Variants in KLHL1 observed in about 807,000 individuals in gnomAD.
KLHL1 encodes kelch-like protein 1.
A neutral mutation model predicts 77.7 loss-of-function variants in KLHL1; 47 were observed. That is an observed-to-expected ratio of 0.60 (90% CI 0.48 to 0.77). The LOEUF is 0.77. KLHL1 is among the 30% of genes least tolerant of loss of function. The pLI is 0.00. For missense variants in KLHL1, 925 were observed against 910.8 expected (o/e 1.02, Z -0.20); for synonymous variants, 360 against 325.2 (o/e 1.11, Z -1.15).
At chr13:69,733,281 A>G (rs1237182079) in intron 8 of KLHL1, among the ~76,000 whole-genome samples, 2 of 152,138 alleles carry the variant, frequency 1.3e-5, no homozygotes, top group African/African-American at 4.8e-5. Context: ...CCAAAAAGAT[A>G]GAATGTAAGT....
chr13:69,909,167 G>A (rs1882149519), intron 4 of KLHL1, among the ~76,000 whole-genome samples: 1 of 151,086 alleles, frequency 6.6e-6, no homozygotes, highest in South Asian at 2.1e-4. Context: ...AAGACAGAAA[G>A]AGAGAGAGAG....
At chr13:70,051,040 A>C (rs1886617202) in intron 1 of KLHL1, among the ~76,000 whole-genome samples, 1 of 152,002 alleles carries the variant, frequency 6.6e-6, no homozygotes, top group Non-Finnish European at 1.5e-5. Flanking sequence ...GTTTGGTTGG[A>C]ATATAAAATG....
rs189505160 is a variant in KLHL1, at chr13:70,012,067, A to G, written c.498-36265T>C. ...GAGACCTATTCACTATCACAAAAAC[A>G]GCATGAGAAAGACCCACCCCCATGA... is the stretch of plus-strand genomic sequence containing the variant. On this transcript the variant is annotated intron_variant, in intron 1 of 10. Transcript: ENST00000377844. 7.1e-4 allele frequency among the ~76,000 whole-genome samples: 108 copies of G among 152,208 alleles called. 1 individual carries two copies. Among genetic ancestry groups the G allele is most frequent in the African/African-American group, 2.6e-3 (106 of 41,530 alleles).
At chr13:69,773,269 A>G (rs970717270) in intron 7 of KLHL1, among the ~76,000 whole-genome samples, 10 of 152,088 alleles carry the variant, frequency 6.6e-5, no homozygotes, top group African/African-American at 2.4e-4. Context: ...GAAATTTTTT[A>G]TGTTCACCAT....
chr13:69,893,275 C>G (rs1411293637), intron 4 of KLHL1, among the ~76,000 whole-genome samples: 1 of 149,016 alleles, frequency 6.7e-6, no homozygotes, highest in Non-Finnish European at 1.5e-5. Context: ...TCGCCCAGGC[C>G]GGACTGCGGA....
intron 7 of KLHL1, among the ~76,000 whole-genome samples, chr13:69,743,133 G>T (rs984188884): frequency 2.0e-5 from 3 of 152,142 alleles, no homozygotes; most frequent in Non-Finnish European, 4.4e-5. Flanking sequence ...CTCTTCTGGA[G>T]AATATGATAT....
intron 7 of KLHL1, among the ~76,000 whole-genome samples, chr13:69,742,219 A>T (rs1268991089): frequency 6.6e-6 from 1 of 152,172 alleles, no homozygotes; most frequent in Non-Finnish European, 1.5e-5. Flanking sequence ...GGACAATAAA[A>T]ATGCATACCC....
intron 7 of KLHL1, among the ~76,000 whole-genome samples, chr13:69,768,624 T>A (rs1593811142): frequency 6.6e-6 from 1 of 152,204 alleles, no homozygotes; most frequent in African/African-American, 2.4e-5. Flanking sequence ...TGATTCTGCA[T>A]TGTATTTAAT....
chr13:69,793,034 A>C (rs1038295549), intron 7 of KLHL1, among the ~76,000 whole-genome samples: 7 of 152,096 alleles, frequency 4.6e-5, no homozygotes, highest in Non-Finnish European at 5.9e-5. Context: ...TGATATGTGA[A>C]TTATATCTGA....
chr13:69,833,676 T>C (rs56314159), intron 6 of KLHL1, among the ~76,000 whole-genome samples: 13,600 of 151,566 alleles, frequency 0.09, 1,220 homozygotes, highest in African/African-American at 0.23. Flanking sequence ...TATAGCAACA[T>C]AATTTGCAAT....
At chr13:69,937,381 T>C (rs1883219916) in intron 4 of KLHL1, among the ~76,000 whole-genome samples, 1 of 152,204 alleles carries the variant, frequency 6.6e-6, no homozygotes, top group African/African-American at 2.4e-5. Context: ...GCCTTAATTT[T>C]ATTCTGGCAT....
chr13:69,949,038 T>C (rs1883620453), intron 3 of KLHL1, among the ~76,000 whole-genome samples: 1 of 151,954 alleles, frequency 6.6e-6, no homozygotes, highest in Non-Finnish European at 1.5e-5. Context: ...CTTCTAGATT[T>C]ACAGAAAATT....
chr13:69,846,387 A>C (rs1420039733), intron 5 of KLHL1, among the ~76,000 whole-genome samples: 1 of 151,486 alleles, frequency 6.6e-6, no homozygotes, highest in Non-Finnish European at 1.5e-5. Flanking sequence ...ATAAACTCAC[A>C]CAATTTTCAG....
chr13:69,848,306 A>G (rs1162837005), intron 5 of KLHL1, among the ~76,000 whole-genome samples: 1 of 151,532 alleles, frequency 6.6e-6, no homozygotes, highest in Non-Finnish European at 1.5e-5. Context: ...TGACTATTTG[A>G]GTAGATGTGA....
chr13:69,947,879 A>G (rs78431798), intron 3 of KLHL1, among the ~76,000 whole-genome samples: 3 of 152,160 alleles, frequency 2.0e-5, no homozygotes, highest in Admixed American at 2.0e-4. Flanking sequence ...AAAAAGCATG[A>G]AAACTGCTAA....
chr13:70,043,433 G>A (rs1566526956), intron 1 of KLHL1, among the ~76,000 whole-genome samples: 1 of 152,082 alleles, frequency 6.6e-6, no homozygotes. Flanking sequence ...TAAATTTAGT[G>A]TAGCCAAAAC....
At chr13:69,735,590 T>A (rs552811559) in intron 8 of KLHL1, among the ~76,000 whole-genome samples, 5 of 149,606 alleles carry the variant, frequency 3.3e-5, no homozygotes, top group African/African-American at 1.2e-4. Flanking sequence ...ATGTAAAATA[T>A]TAAAAAATAT....
rs531195241 is a variant in KLHL1, at chr13:69,968,752, C to T, written c.680+6868G>A. Among the ~76,000 whole-genome samples, 5 of 152,134 alleles carry T rather than the reference C, an allele frequency of 3.3e-5. No individual in the cohort carries two copies. In the South Asian group the frequency reaches 8.3e-4, roughly 25 times the overall value. On this transcript the variant is annotated intron_variant, in intron 2 of 10. Coordinates refer to ENST00000377844, the MANE Select transcript of KLHL1 (RefSeq NM_020866.3). The stretch of plus-strand genomic sequence containing the variant: ...TTGCAGAGAGTAAAGAAATGCTCAT[C>T]ATTTTTTATGGCTGCATAGTATTCC...
intron 6 of KLHL1, among the ~76,000 whole-genome samples, chr13:69,803,467 T>C (rs950845099): frequency 3.9e-5 from 6 of 152,204 alleles, no homozygotes; most frequent in Non-Finnish European, 7.3e-5. Context: ...ATATATGCAG[T>C]GGGTAGAATT....
Sources: gnomAD v4.1 joint callset for allele counts (sites outside exome capture counted in the v4.1 genomes callset) on GRCh38, gnomAD v4.1.1 for gene constraint, MANE v1.5 for transcripts, NCBI Gene and HGNC (gene_info 2026-07-23, HGNC 2026-07-21) for gene names.